Variants in SYCE1 observed in about 807,000 individuals in gnomAD.
SYCE1 encodes synaptonemal complex central element protein 1.
Under a neutral mutation model 55.1 loss-of-function variants are expected in SYCE1, and 37 were observed. That is an observed-to-expected ratio of 0.67 (90% CI 0.52 to 0.88). The LOEUF (loss-of-function observed/expected upper bound fraction) is 0.88. Ranked by LOEUF, SYCE1 falls within the 40% of genes least tolerant of loss-of-function variation. The pLI is 0.00. For synonymous variants in SYCE1, 163 were observed against 159.4 expected (o/e 1.02, Z -0.17); for missense variants, 399 against 416.4 (o/e 0.96, Z 0.36).
intron 1 of SYCE1, among the ~76,000 whole-genome samples, chr10:133,562,299 G>A (rs1851834917): frequency 7.5e-6 from 1 of 134,124 alleles, no homozygotes; most frequent in Admixed American, 7.9e-5. Flanking sequence ...GTGTGTGTGT[G>A]TGTGTGTGTG....
At chr10:133,567,939 C>T (rs11101846), upstream of SYCE1, 62,442 of 551,416 alleles carry the variant, frequency 0.11, 4,093 homozygotes, top group East Asian at 0.26. Context: ...ATGGGCAGGA[C>T]GGTGGATGGC....
At chr10:133,556,125 TCATA>T (rs1851677339) in intron 8 of SYCE1, 78 bp from the exon 9 acceptor site, 2 of 1,532,884 alleles carry the variant, frequency 1.3e-6, no homozygotes, top group Non-Finnish European at 1.8e-6. Flanking sequence ...GGATCTTGTT[TCATA>T]CTTACTCACT....
chr10:133,566,995 T>G (rs2987799), upstream of SYCE1, among the ~76,000 whole-genome samples: 96,183 of 151,030 alleles, frequency 0.64, 33,614 homozygotes, highest in Non-Finnish European at 0.8. Context: ...TAGCGTTGTG[T>G]GTTAGGATTT....
intron 4 of SYCE1, 32 bp downstream of exon 4, chr10:133,558,845 G>A: frequency 6.2e-7 from 1 of 1,609,866 alleles, no homozygotes; most frequent in Non-Finnish European, 8.5e-7. Context: ...AAGACACTGT[G>A]GGGACCTCTG....
intron 2 of SYCE1, 72 bp from the exon 3 acceptor site, chr10:133,559,432 C>A (rs1851768320): frequency 1.4e-6 from 2 of 1,453,246 alleles, no homozygotes; most frequent in South Asian, 1.1e-5. Context: ...TGTGTCTCTG[C>A]TGCTTTCACG....
chr10:133,555,290 C>T, intron 12 of SYCE1, 61 bp downstream of exon 12: 3 of 1,607,072 alleles, frequency 1.9e-6, no homozygotes, highest in Non-Finnish European at 2.6e-6. Flanking sequence ...TGTCCTCCCG[C>T]CCCTTCCGCT....
chr10:133,568,053 C>T (rs576773633), upstream of SYCE1: 252 of 630,984 alleles, frequency 4.0e-4, no homozygotes, highest in Non-Finnish European at 6.2e-4. Context: ...GGGGACGGTG[C>T]GGCCCGGGGG....
chr10:133,556,929 G>A lies in SYCE1; in HGVS notation c.465-107C>T, dbSNP rs959641547. 6 of 1,508,596 alleles carry A rather than the reference G, an allele frequency of 4.0e-6. No individual in the cohort carries two copies. In the Admixed American group the frequency reaches 6.7e-5, roughly 17 times the overall value. 93.5% of individuals were successfully genotyped at this position (1,508,596 alleles called of 1,614,324 possible). ...CAGATTTTGGGGTGCTTTGCCCATG[G>A]TCTCTGCTCCACTGGGAACATCTTC... is the stretch of plus-strand genomic sequence containing the variant. On this transcript the variant is annotated intron_variant, in intron 7 of 12. Transcript: ENST00000343131.
chr10:133,566,127 A>G (rs1191363638), upstream of SYCE1, among the ~76,000 whole-genome samples: 6 of 152,298 alleles, frequency 3.9e-5, no homozygotes, highest in African/African-American at 1.4e-4. Context: ...CCACAAGCCC[A>G]CGGTCCCTTC....
At position 133,565,516 on chromosome 10, in the gene SYCE1, G is replaced by T. The variant is rs1362540630; in HGVS notation, c.14C>A (p.Ser5Tyr). 15 of 1,549,714 alleles carry T rather than the reference G, an allele frequency of 9.7e-6. No individual in the cohort carries two copies. The highest frequency in any genetic ancestry group is 1.7e-4 in the Middle Eastern group (1 of 6,014). MAGRSLTSKAEPTAG... is the reference protein window; with the variant it reads MAGRYLTSKAEPTAG... ...GGTGGGCTCGGCCTTCGATGTCAGG[G>T]ACCTCCCCGCCATTTCCTCTCAGCT... The change falls in exon 1 of 13, where the codon TCC becomes TAC. Residue 5 changes from serine to tyrosine, a missense_variant. Transcript: ENST00000343131.
In SYCE1 at chr10:133,555,649, G is replaced by T; in HGVS notation, c.778C>A (p.Arg260Ser). 6.2e-7 allele frequency: 1 copy of T among 1,605,174 alleles called. No individual in the cohort carries two copies. The highest frequency in any genetic ancestry group is 1.3e-5 in the African/African-American group (1 of 75,030). The change falls in exon 11 of 13, where the codon CGC becomes AGC. Residue 260 changes from arginine (R) to serine (S), a missense_variant. By Grantham distance (110) the Arg-to-Ser change is moderately radical. Coordinates refer to ENST00000343131, the MANE Select transcript of SYCE1 (RefSeq NM_001143764.3). ...AEELLAAAAQRHQQLQQKCQQ... is the reference protein window; with the variant it reads ...AEELLAAAAQSHQQLQQKCQQ... ...CACTTCTGCTGCAGCTGCTGGTGGC[G>T]CTGGGCAGCAGCTGCTAGGAGCTCC...
chr10:133,566,127 A>C (rs1191363638), upstream of SYCE1, among the ~76,000 whole-genome samples: 1 of 152,180 alleles, frequency 6.6e-6, no homozygotes, highest in Non-Finnish European at 1.5e-5. Context: ...CCACAAGCCC[A>C]CGGTCCCTTC....
At position 133,558,911 on chromosome 10, in the gene SYCE1, G is replaced by A. The variant is rs1241883392; in HGVS notation, c.237C>T (p.Thr79=). 6.2e-7 allele frequency: 1 copy of A among 1,612,164 alleles called. No homozygotes were observed. Residue 79 remains threonine, a synonymous_variant, in exon 4 of 13, where the codon ACC becomes ACT. Coordinates refer to ENST00000343131, the MANE Select transcript of SYCE1 (RefSeq NM_001143764.3). ...GTTCCTTCTGCAGGGCCTCACAGATGGTCCGGGCCTCTCCTAGGTCTTTAT... is the reference window on the plus strand; with the variant it reads ...GTTCCTTCTGCAGGGCCTCACAGATAGTCCGGGCCTCTCCTAGGTCTTTAT... The part of the protein sequence containing the change: ...KANKDLGEAR[T]ICEALQKELD...
In SYCE1 at chr10:133,555,639, TGC is replaced by T. The variant is rs1851651216; in HGVS notation, c.786_787del (p.Gln263AlafsTer63). ...CTGTTGTTGGCACTTCTGCTGCAGC[TGC>T]TGGTGGCGCTGGGCAGCAGCTGCTA... On this transcript the variant is annotated frameshift_variant, in exon 11 of 13. Coordinates refer to ENST00000343131, the MANE Select transcript of SYCE1 (RefSeq NM_001143764.3). LOFTEE classifies it high-confidence loss of function. 3.1e-6 allele frequency: 5 copies of T among 1,605,746 alleles called. No homozygotes were observed. The highest frequency in any genetic ancestry group is 4.2e-6 in the Non-Finnish European group (5 of 1,179,934).
intron 3 of SYCE1, 24 bp from the exon 4 acceptor site, chr10:133,558,975 TTGTG>T: frequency 6.2e-7 from 1 of 1,603,092 alleles, no homozygotes; most frequent in South Asian, 1.1e-5. Flanking sequence ...CAGAAAAACA[TTGTG>T]TGAGTGCAGC....
chr10:133,556,106 A>C lies in SYCE1; in HGVS notation c.529-59T>G, dbSNP rs564558807. 1.4e-5 allele frequency: 23 copies of C among 1,589,964 alleles called. 1 individual carries two copies. The Middle Eastern group carries it at 1.2e-3, about 82-fold the overall frequency. On this transcript the variant is annotated intron_variant, in intron 8 of 12. Coordinates refer to ENST00000343131, the MANE Select transcript of SYCE1 (RefSeq NM_001143764.3). ...TTGGCTTTCCCCCATGCCTCAAAGA[A>C]GGCTATCTGGATCTTGTTTCATACT...
At chr10:133,565,842 C>T (rs145144605), upstream of SYCE1, among the ~76,000 whole-genome samples, 55 of 152,350 alleles carry the variant, frequency 3.6e-4, no homozygotes, top group African/African-American at 1.1e-3. Flanking sequence ...TTCTGGAGGC[C>T]CTCCCCACCA....
At chr10:133,557,379 C>T in intron 6 of SYCE1, 1 of 572,004 alleles carries the variant, frequency 1.7e-6, no homozygotes, top group Non-Finnish European at 3.1e-6. Context: ...AGCAAATGCA[C>T]ACACATCTTA....
chr10:133,567,276 G>T (rs1297398123), upstream of SYCE1, among the ~76,000 whole-genome samples: 2 of 151,720 alleles, frequency 1.3e-5, no homozygotes, highest in African/African-American at 4.8e-5. Context: ...GTTGGGGCTA[G>T]GGCTTAGGGT....
Sources: gnomAD v4.1 joint callset for allele counts (sites outside exome capture counted in the v4.1 genomes callset) on GRCh38, gnomAD v4.1.1 for gene constraint, MANE v1.5 for transcripts, NCBI Gene and HGNC (gene_info 2026-07-23, HGNC 2026-07-21) for gene names.